The following PDE7B variants were observed in gnomAD, a reference collection of about 807,000 sequenced individuals.
PDE7B encodes the protein phosphodiesterase 7B, also known as 3',5'-cyclic-AMP phosphodiesterase 7B.
A neutral mutation model predicts 56.2 loss-of-function variants in PDE7B; 29 were observed. That is an observed-to-expected ratio of 0.52 (90% CI 0.38 to 0.70). PDE7B has a LOEUF of 0.70. Among genes scored for constraint, PDE7B ranks in the 30% least tolerant of loss-of-function variants. The pLI, the probability that PDE7B is intolerant of heterozygous loss-of-function variation, is 0.00. For missense variants in PDE7B, 490 were observed against 565.0 expected (o/e 0.87, Z 1.35); for synonymous variants, 197 against 196.9 (o/e 1.00, Z 0.00).
chr6:135,947,976 A>G (rs538824982), intron 2 of PDE7B, among the ~76,000 whole-genome samples: 1 of 152,096 alleles, frequency 6.6e-6, no homozygotes, highest in Non-Finnish European at 1.5e-5. Flanking sequence ...CACAACTATT[A>G]TCGACACAGC....
At position 135,957,114 on chromosome 6, in the gene PDE7B, G is replaced by A. The variant is rs373545551; in HGVS notation, c.82+9590G>A. Among the ~76,000 whole-genome samples, 14 of 152,252 alleles carry A rather than the reference G, an allele frequency of 9.2e-5. 1 individual carries two copies. The highest frequency in any genetic ancestry group is 5.2e-4 in the Admixed American group (8 of 15,288). ...CTGCGATTGTGAGAAGATGGTCCCC[G>A]TGGGCGAGGAAGCATGGAGATAGAG... On this transcript the variant is annotated intron_variant, in intron 2 of 12. Coordinates refer to ENST00000308191, the MANE Select transcript of PDE7B (RefSeq NM_018945.4).
intron 1 of PDE7B, among the ~76,000 whole-genome samples, chr6:135,929,538 T>C (rs1488949033): frequency 6.6e-6 from 1 of 152,200 alleles, no homozygotes; most frequent in African/African-American, 2.4e-5. Context: ...TTACATGAAA[T>C]ATGTTACTAA....
At chr6:135,891,628 A>G (rs969142875) in intron 1 of PDE7B, among the ~76,000 whole-genome samples, 5 of 152,198 alleles carry the variant, frequency 3.3e-5, no homozygotes, top group Admixed American at 6.5e-5. Context: ...CAAAATGTGC[A>G]TTCTCAGGCT....
Position 135,936,848 on chromosome 6 carries a change from A to C in PDE7B, c.22-10616A>C, listed in dbSNP as rs949402048. 2.0e-5 allele frequency among the ~76,000 whole-genome samples: 3 copies of C among 152,196 alleles called. 1 individual carries two copies. Among genetic ancestry groups the C allele is most frequent in the African/African-American group, 7.2e-5 (3 of 41,452 alleles). On this transcript the variant is annotated intron_variant, in intron 1 of 12. Transcript: ENST00000308191. ...CATGATTCAGAAGGCCACATTCTTC[A>C]TAATACAGTCATGCTAGACTTGGAA...
intron 3 of PDE7B, among the ~76,000 whole-genome samples, chr6:136,143,542 T>G (rs1014687334): frequency 4.6e-5 from 7 of 151,974 alleles, no homozygotes; most frequent in African/African-American, 1.7e-4. Context: ...TATCAAAAAT[T>G]TAAATAAAGA....
intron 2 of PDE7B, among the ~76,000 whole-genome samples, chr6:136,014,904 A>G (rs572766144): frequency 7.9e-5 from 12 of 152,312 alleles, no homozygotes; most frequent in African/African-American, 2.9e-4. Flanking sequence ...GGCCGATTGC[A>G]TGTGAGGAGC....
chr6:136,017,675 T>C (rs897733445), intron 2 of PDE7B, among the ~76,000 whole-genome samples: 1 of 152,114 alleles, frequency 6.6e-6, no homozygotes, highest in African/African-American at 2.4e-5. Flanking sequence ...TCTGGATTTG[T>C]TGGTCTTTTT....
intron 1 of PDE7B, among the ~76,000 whole-genome samples, chr6:135,908,283 G>A (rs905586103): frequency 8.6e-5 from 13 of 151,542 alleles, no homozygotes; most frequent in Non-Finnish European, 1.0e-4. Context: ...AGGAGAGACC[G>A]GGGTTTCTCC....
intron 2 of PDE7B, chr6:136,093,920 A>C (rs1777432236): frequency 6.6e-6 from 1 of 152,246 alleles, no homozygotes; most frequent in Non-Finnish European, 1.5e-5. Context: ...TTTCACTCTA[A>C]GTCTCTAAAC....
chr6:136,068,555 A>C (rs561712912), intron 2 of PDE7B, among the ~76,000 whole-genome samples: 19 of 151,138 alleles, frequency 1.3e-4, no homozygotes, highest in Non-Finnish European at 2.5e-4. Context: ...CTCAGCCTCA[A>C]GAGTAGCTGG....
At chr6:136,143,252 G>A (rs1029880955) in intron 3 of PDE7B, among the ~76,000 whole-genome samples, 1 of 151,888 alleles carries the variant, frequency 6.6e-6, no homozygotes, top group African/African-American at 2.4e-5. Flanking sequence ...CAATATGGTA[G>A]CTCACACTTA....
At chr6:136,025,661 T>C (rs1776138955) in intron 2 of PDE7B, among the ~76,000 whole-genome samples, 1 of 152,152 alleles carries the variant, frequency 6.6e-6, no homozygotes, top group Non-Finnish European at 1.5e-5. Flanking sequence ...TAGGTTTACA[T>C]TGCCCTAGTA....
At chr6:136,068,278 T>C (rs1239886758) in intron 2 of PDE7B, among the ~76,000 whole-genome samples, 1 of 151,870 alleles carries the variant, frequency 6.6e-6, no homozygotes, top group Non-Finnish European at 1.5e-5. Flanking sequence ...ACTAGGAGAG[T>C]TGGGGCTGGG....
chr6:136,003,691 G>C (rs1483701949), intron 2 of PDE7B, among the ~76,000 whole-genome samples: 1 of 152,200 alleles, frequency 6.6e-6, no homozygotes, highest in African/African-American at 2.4e-5. Context: ...AACAGGCTCT[G>C]AAATTGTGGC....
chr6:135,937,384 C>G lies in PDE7B; in HGVS notation c.22-10080C>G, dbSNP rs187694036. Among the ~76,000 whole-genome samples, 320 of 152,294 alleles carry G rather than the reference C, an allele frequency of 2.1e-3. 1 individual carries two copies. Among genetic ancestry groups the G allele is most frequent in the African/African-American group, 6.9e-3 (285 of 41,578 alleles). ...GCCCCTGCCAACTTCCCCAGCCTTGCGTCTCTCCACTCTCCAGTTCTCCTG... is the reference window on the plus strand; with the variant it reads ...GCCCCTGCCAACTTCCCCAGCCTTGGGTCTCTCCACTCTCCAGTTCTCCTG... On this transcript the variant is annotated intron_variant, in intron 1 of 12. Transcript: ENST00000308191.
At chr6:136,079,715 G>A (rs1777176029) in intron 2 of PDE7B, among the ~76,000 whole-genome samples, 1 of 132,128 alleles carries the variant, frequency 7.6e-6, no homozygotes, top group Non-Finnish European at 1.6e-5. Context: ...CAGCCATTTG[G>A]ATTAGGAAGA....
At chr6:135,986,841 A>G (rs866107921) in intron 2 of PDE7B, among the ~76,000 whole-genome samples, 1 of 152,220 alleles carries the variant, frequency 6.6e-6, no homozygotes, top group Non-Finnish European at 1.5e-5. Flanking sequence ...ATGGATCACA[A>G]TGTTTTGAGA....
intron 1 of PDE7B, among the ~76,000 whole-genome samples, chr6:135,937,963 C>CCATTATGGTTTTAGGGTATATAAGA (rs1288853756): frequency 6.6e-6 from 1 of 152,146 alleles, no homozygotes; most frequent in African/African-American, 2.4e-5. Context: ...ACAGCAGGCC[C>CCATTATGGTTTTAGGGTATATAAGA]CATTATGGTT....
intron 1 of PDE7B, among the ~76,000 whole-genome samples, chr6:135,902,046 A>G (rs886134352): frequency 6.6e-6 from 1 of 152,176 alleles, no homozygotes; most frequent in African/African-American, 2.4e-5. Context: ...CTTTTCAAAT[A>G]GAGAGGACAT....
Sources: allele counts gnomAD v4.1 joint callset (sites outside exome capture counted in the v4.1 genomes callset), GRCh38; gene constraint gnomAD v4.1.1; transcripts MANE v1.5; gene names NCBI Gene and HGNC (gene_info 2026-07-23, HGNC 2026-07-21).